The following GPC6 variants were observed in gnomAD, a reference collection of about 807,000 sequenced individuals.
GPC6 encodes the protein glypican-6.
In GPC6, 14 loss-of-function variants were observed where a neutral mutation model predicts 55.2. That is an observed-to-expected ratio of 0.25 (90% CI 0.17 to 0.40). The LOEUF (loss-of-function observed/expected upper bound fraction) is 0.40, where lower values mean the gene tolerates loss of function less well. GPC6 is among the 10% of genes least tolerant of loss of function. GPC6 has a pLI of 1.00. For synonymous variants in GPC6, 278 were observed against 259.6 expected (o/e 1.07, Z -0.68); for missense variants, 641 against 708.5 (o/e 0.90, Z 1.08).
At chr13:94,370,439 A>T (rs1879490526) in intron 6 of GPC6, among the ~76,000 whole-genome samples, 1 of 152,220 alleles carries the variant, frequency 6.6e-6, no homozygotes, top group South Asian at 2.1e-4. Context: ...TCAAGGATAG[A>T]GACTGTGTAC....
chr13:93,261,043 T>C (rs1469860927), intron 1 of GPC6, among the ~76,000 whole-genome samples: 1 of 152,140 alleles, frequency 6.6e-6, no homozygotes, highest in African/African-American at 2.4e-5. Context: ...TACCAGATAA[T>C]TTTTCCAAAA....
At chr13:93,524,653 T>C (rs930542311) in intron 1 of GPC6, among the ~76,000 whole-genome samples, 1 of 152,104 alleles carries the variant, frequency 6.6e-6, no homozygotes, top group Admixed American at 6.6e-5. Context: ...ATTGTCAACA[T>C]TGAGACTTCT....
intron 4 of GPC6, among the ~76,000 whole-genome samples, chr13:94,283,385 C>A (rs1306768276): frequency 6.6e-6 from 1 of 152,222 alleles, no homozygotes; most frequent in East Asian, 1.9e-4. Context: ...TAACTCCCAG[C>A]CATTTAGTGG....
intron 2 of GPC6, among the ~76,000 whole-genome samples, chr13:93,613,141 G>A (rs893315911): frequency 6.6e-6 from 1 of 152,140 alleles, no homozygotes; most frequent in Non-Finnish European, 1.5e-5. Context: ...AGAGGTGTAC[G>A]AAAATTAAGG....
At chr13:93,881,626 G>A (rs1035997598) in intron 3 of GPC6, among the ~76,000 whole-genome samples, 1 of 152,130 alleles carries the variant, frequency 6.6e-6, no homozygotes, top group African/African-American at 2.4e-5. Context: ...AGTGGACAGA[G>A]CTAGGAAATG....
chr13:93,831,112 T>C (rs1455597923), intron 3 of GPC6, among the ~76,000 whole-genome samples: 2 of 152,344 alleles, frequency 1.3e-5, no homozygotes, highest in East Asian at 3.9e-4. Flanking sequence ...GTACCAAGTA[T>C]AGATTCTCCT....
intron 6 of GPC6, among the ~76,000 whole-genome samples, chr13:94,358,992 C>G (rs1026288329): frequency 6.6e-6 from 1 of 152,160 alleles, no homozygotes; most frequent in Non-Finnish European, 1.5e-5. Flanking sequence ...AAGTTCTGGA[C>G]AAAAGTTCTA....
intron 4 of GPC6, among the ~76,000 whole-genome samples, chr13:94,117,084 A>G (rs1487472423): frequency 6.6e-6 from 1 of 152,102 alleles, no homozygotes; most frequent in African/African-American, 2.4e-5. Flanking sequence ...CGACGTTAAT[A>G]TCTTGTTAAT....
chr13:94,046,193 T>C (rs1883726936), intron 4 of GPC6, among the ~76,000 whole-genome samples: 1 of 152,090 alleles, frequency 6.6e-6, no homozygotes, highest in Non-Finnish European at 1.5e-5. Context: ...ACTTGCTTTT[T>C]ACTGGTTCTT....
At chr13:94,038,046 G>A (rs1883403360) in intron 4 of GPC6, among the ~76,000 whole-genome samples, 2 of 151,820 alleles carry the variant, frequency 1.3e-5, no homozygotes, top group Non-Finnish European at 2.9e-5. Context: ...TGTGGCTAGT[G>A]TGCCTTAGAA....
intron 1 of GPC6, among the ~76,000 whole-genome samples, chr13:93,341,952 G>A (rs1014309107): frequency 3.4e-5 from 5 of 147,940 alleles, no homozygotes; most frequent in East Asian, 2.0e-4. Flanking sequence ...AGTCTCACTC[G>A]GTTGCCCAGG....
chr13:93,670,386 T>C (rs1181481524), intron 2 of GPC6, among the ~76,000 whole-genome samples: 2 of 152,206 alleles, frequency 1.3e-5, no homozygotes. Context: ...AAAAACACTT[T>C]TAAATTATTT....
At chr13:93,509,735 A>G (rs1566395865) in intron 1 of GPC6, among the ~76,000 whole-genome samples, 1 of 152,232 alleles carries the variant, frequency 6.6e-6, no homozygotes, top group Non-Finnish European at 1.5e-5. Flanking sequence ...TTGAACAGCA[A>G]AAGTAGTAAA....
intron 2 of GPC6, among the ~76,000 whole-genome samples, chr13:93,680,184 T>C (rs1453234057): frequency 6.6e-6 from 1 of 152,156 alleles, no homozygotes; most frequent in Non-Finnish European, 1.5e-5. Flanking sequence ...TAATTCAATA[T>C]GACTGGTGTC....
At chr13:93,907,302 T>C (rs1876724615) in intron 3 of GPC6, among the ~76,000 whole-genome samples, 1 of 152,164 alleles carries the variant, frequency 6.6e-6, no homozygotes, top group Admixed American at 6.5e-5. Context: ...CTTAGCAATC[T>C]TGATGACATA....
chr13:93,598,584 CA>C (rs1877872471), intron 2 of GPC6, among the ~76,000 whole-genome samples: 1 of 152,068 alleles, frequency 6.6e-6, no homozygotes, highest in African/African-American at 2.4e-5. Flanking sequence ...GTCACAAAAG[CA>C]GCAATTTTAT....
intron 1 of GPC6, among the ~76,000 whole-genome samples, chr13:93,300,426 A>T (rs1007028544): frequency 2.0e-5 from 3 of 151,966 alleles, no homozygotes; most frequent in Non-Finnish European, 4.4e-5. Context: ...AGGCGGGCGG[A>T]TCACGAGGTC....
intron 4 of GPC6, among the ~76,000 whole-genome samples, chr13:94,230,253 G>A (rs558012450): frequency 7.1e-4 from 108 of 152,196 alleles, no homozygotes; most frequent in African/African-American, 2.5e-3. Flanking sequence ...CTTATTTTAT[G>A]TGTGAGAAAA....
chr13:94,224,604 C>T (rs968062817), intron 4 of GPC6, among the ~76,000 whole-genome samples: 5 of 152,038 alleles, frequency 3.3e-5, no homozygotes, highest in South Asian at 2.1e-4. Flanking sequence ...CCATGGAATC[C>T]GTTGCAAAAT....
Sources: allele counts gnomAD v4.1 joint callset (sites outside exome capture counted in the v4.1 genomes callset), GRCh38; gene constraint gnomAD v4.1.1; transcripts MANE v1.5; gene names NCBI Gene and HGNC (gene_info 2026-07-23, HGNC 2026-07-21).